LYN: variants seen among roughly 807,000 people sequenced by gnomAD.
LYN encodes the protein tyrosine-protein kinase Lyn.
In LYN, 12 loss-of-function variants were observed where a neutral mutation model predicts 65.0. The observed-to-expected ratio is 0.18, with a 90% CI of 0.12 to 0.30. The LOEUF is 0.30. Among genes scored for constraint, LYN ranks in the 10% least tolerant of loss-of-function variants. The pLI is 1.00. For synonymous variants in LYN, 222 were observed against 221.2 expected, an observed-to-expected ratio of 1.00 and a Z score of -0.03; for missense variants, 380 against 623.2, an observed-to-expected ratio of 0.61 and a Z score of 4.16.
intron 10 of LYN, among the ~76,000 whole-genome samples, chr8:55,985,770 G>A (rs1369911061): frequency 2.6e-5 from 4 of 152,274 alleles, no homozygotes; most frequent in Admixed American, 2.6e-4. Flanking sequence ...CCTGCAACTG[G>A]GTGGGGCTTG....
intron 1 of LYN, among the ~76,000 whole-genome samples, chr8:55,906,073 G>A (rs763091093): frequency 3.3e-5 from 5 of 152,164 alleles, no homozygotes; most frequent in Non-Finnish European, 4.4e-5. Flanking sequence ...GTGCAGTTAC[G>A]CAGCACCTGT....
intron 10 of LYN, among the ~76,000 whole-genome samples, chr8:55,975,231 T>G (rs1010468684): frequency 1.3e-5 from 2 of 152,210 alleles, no homozygotes; most frequent in Non-Finnish European, 2.9e-5. Flanking sequence ...TTAACACAGC[T>G]GGTGGTTAGC....
intron 10 of LYN, among the ~76,000 whole-genome samples, chr8:55,991,790 C>T (rs753228767): frequency 5.3e-5 from 8 of 152,128 alleles, no homozygotes; most frequent in Admixed American, 1.3e-4. Context: ...CTCAGTAAAC[C>T]GCTTTTTAAA....
At chr8:55,940,084 GGGCC>G (rs1178635834) in intron 1 of LYN, 1 of 152,284 alleles carries the variant, frequency 6.6e-6, no homozygotes, top group African/African-American at 2.4e-5. Context: ...ATGCCGGAGA[GGGCC>G]GAGTTCCCAG....
At chr8:55,892,118 C>T (rs1263342323) in intron 1 of LYN, among the ~76,000 whole-genome samples, 1 of 152,238 alleles carries the variant, frequency 6.6e-6, no homozygotes, top group Non-Finnish European at 1.5e-5. Context: ...CTTACAAGAC[C>T]TTTTAGAAAA....
intron 1 of LYN, among the ~76,000 whole-genome samples, chr8:55,901,938 C>T (rs975985382): frequency 2.6e-5 from 4 of 152,030 alleles, no homozygotes; most frequent in Non-Finnish European, 5.9e-5. Flanking sequence ...TGCACAGACA[C>T]GGGAAAGGAT....
chr8:55,898,810 T>C (rs1226148953), intron 1 of LYN, among the ~76,000 whole-genome samples: 1 of 152,126 alleles, frequency 6.6e-6, no homozygotes, highest in Non-Finnish European at 1.5e-5. Flanking sequence ...CTATAATAAA[T>C]TTTAGGAAAC....
intron 10 of LYN, among the ~76,000 whole-genome samples, chr8:55,972,577 GCTC>G (rs1807639464): frequency 6.6e-6 from 1 of 152,080 alleles, no homozygotes; most frequent in Admixed American, 6.5e-5. Flanking sequence ...GCTACCCAGT[GCTC>G]CTCCTCCTCC....
chr8:55,929,129 TTATTC>T (rs796864641), intron 1 of LYN, among the ~76,000 whole-genome samples: 62 of 152,362 alleles, frequency 4.1e-4, no homozygotes, highest in African/African-American at 1.4e-3. Context: ...TCTGGGCTGT[TTATTC>T]TATTCATATG....
Position 56,009,891 on chromosome 8 carries a change from G to T in LYN, c.1337-17G>T, listed in dbSNP as rs1563333235. ...AACGGCATGGGTTTCTGTTCTTTTTGTTTTTTTCCACCCTAGGGAGAACTA... is the reference window on the plus strand; with the variant it reads ...AACGGCATGGGTTTCTGTTCTTTTTTTTTTTTTCCACCCTAGGGAGAACTA... On this transcript the variant is annotated splice_polypyrimidine_tract_variant and intron_variant, in intron 12 of 12. Transcript: ENST00000519728. The T allele has an allele frequency of 6.2e-6, 10 of 1,609,460 alleles. No homozygotes were observed. The highest frequency in any genetic ancestry group is 8.5e-6 in the Non-Finnish European group (10 of 1,177,556).
chr8:55,953,783 A>C, intron 7 of LYN, 49 bp from the exon 8 acceptor site: 1 of 1,581,832 alleles, frequency 6.3e-7, no homozygotes, highest in African/African-American at 1.4e-5. Context: ...ACACAGGTAA[A>C]GTACAAAGTA....
intron 1 of LYN, among the ~76,000 whole-genome samples, chr8:55,931,118 T>G (rs1323284842): frequency 6.8e-6 from 1 of 147,970 alleles, no homozygotes; most frequent in Non-Finnish European, 1.5e-5. Context: ...AACTTGTATA[T>G]GTTACTTTTT....
chr8:55,954,835 A>AAAATAAAT (rs113354539), intron 8 of LYN, among the ~76,000 whole-genome samples: 19,087 of 148,672 alleles, frequency 0.13, 1,358 homozygotes, highest in Middle Eastern at 0.24. Context: ...ACCCTGCCTC[A>AAAATAAAT]AAATAAATAA....
intron 1 of LYN, among the ~76,000 whole-genome samples, chr8:55,931,366 A>T (rs1806266941): frequency 6.6e-6 from 1 of 150,498 alleles, no homozygotes; most frequent in South Asian, 2.1e-4. Flanking sequence ...ACAATGGAAA[A>T]CATTTTTAAA....
At chr8:55,982,007 T>C (rs1310279706) in intron 10 of LYN, among the ~76,000 whole-genome samples, 1 of 152,088 alleles carries the variant, frequency 6.6e-6, no homozygotes, top group Non-Finnish European at 1.5e-5. Context: ...CCCAGTGTCA[T>C]GCAGGGCCTC....
At chr8:55,964,256 G>T (rs1244427322) in intron 8 of LYN, among the ~76,000 whole-genome samples, 2 of 151,766 alleles carry the variant, frequency 1.3e-5, no homozygotes, top group Admixed American at 6.6e-5. Flanking sequence ...AGAGAAGGGG[G>T]TCTCACTATA....
chr8:55,992,973 A>G (rs758398043), intron 10 of LYN, among the ~76,000 whole-genome samples: 1 of 152,158 alleles, frequency 6.6e-6, no homozygotes, highest in Non-Finnish European at 1.5e-5. Flanking sequence ...GGAGGGACAC[A>G]TTCAGACCAT....
chr8:55,975,215 C>G (rs1005593231), intron 10 of LYN, among the ~76,000 whole-genome samples: 5 of 152,164 alleles, frequency 3.3e-5, no homozygotes, highest in Non-Finnish European at 4.4e-5. Flanking sequence ...TCTCAGTATA[C>G]AAATGTTAAC....
At chr8:55,922,076 G>A (rs1419011707) in intron 1 of LYN, among the ~76,000 whole-genome samples, 1 of 152,104 alleles carries the variant, frequency 6.6e-6, no homozygotes, top group Non-Finnish European at 1.5e-5. Flanking sequence ...GAATGGATAA[G>A]GGAGATCACA....
Sources: allele counts gnomAD v4.1 joint callset (sites outside exome capture counted in the v4.1 genomes callset), GRCh38; gene constraint gnomAD v4.1.1; transcripts MANE v1.5; gene names NCBI Gene and HGNC (gene_info 2026-07-23, HGNC 2026-07-21).